Variants in ANKRD45 observed in about 807,000 individuals in gnomAD.
ANKRD45 encodes the protein ankyrin repeat domain 45.
A neutral mutation model predicts 28.1 loss-of-function variants in ANKRD45; 21 were observed. The ratio of observed to expected loss-of-function variants is 0.75; its 90% CI spans 0.53 to 1.08. The LOEUF (loss-of-function observed/expected upper bound fraction) is 1.08. ANKRD45 is among the 50% of genes least tolerant of loss of function. ANKRD45 has a pLI of 0.00. For synonymous variants in ANKRD45, 86 were observed against 103.9 expected (o/e 0.83, Z 1.05); for missense variants, 261 against 308.7 (o/e 0.85, Z 1.16).
the ANKRD45 span, among the ~76,000 whole-genome samples, chr1:173,679,027 C>G: frequency 6.6e-6 from 1 of 152,102 alleles, no homozygotes; most frequent in East Asian, 1.9e-4. Context: ...AACTACAAAC[C>G]ACTGCTCAAC....
the ANKRD45 span, among the ~76,000 whole-genome samples, chr1:173,683,432 AAACAACAAC>A: frequency 6.6e-6 from 1 of 152,120 alleles, no homozygotes. Context: ...TAAAACTCCA[AAACAACAAC>A]AACAACAACA....
At chr1:173,627,625 G>C (rs1322760143) in intron 3 of ANKRD45, among the ~76,000 whole-genome samples, 2 of 152,162 alleles carry the variant, frequency 1.3e-5, no homozygotes, top group Admixed American at 1.3e-4. Context: ...GTTGGAATCT[G>C]AGTTCCAGCA....
intron 3 of ANKRD45, among the ~76,000 whole-genome samples, chr1:173,631,039 G>A (rs999588601): frequency 3.3e-5 from 5 of 151,830 alleles, no homozygotes; most frequent in Admixed American, 3.3e-4. Context: ...TGGTTGAAGA[G>A]ATAAAAATCA....
intron 1 of ANKRD45, chr1:173,669,485 A>T: frequency 2.2e-6 from 1 of 455,938 alleles, no homozygotes; most frequent in Non-Finnish European, 4.4e-6. Context: ...AGAGTTAAAC[A>T]AAGAGAAGGC....
chr1:173,636,800 A>C, intron 3 of ANKRD45: 1 of 1,479,346 alleles, frequency 6.8e-7, no homozygotes, highest in Non-Finnish European at 9.1e-7. Flanking sequence ...TATGTAGATA[A>C]AATCTGTATT....
intron 1 of ANKRD45, chr1:173,669,459 G>A (rs1670167482): frequency 2.2e-6 from 1 of 455,628 alleles, no homozygotes; most frequent in Admixed American, 2.4e-5. Context: ...GACCCCAAGG[G>A]CAACCCTGGG....
Position 173,608,522 on chromosome 1 carries a change from T to C in ANKRD45, c.*1623A>G, listed in dbSNP as rs1281027425. 6.6e-6 allele frequency among the ~76,000 whole-genome samples: 1 copy of C among 151,968 alleles called. No individual in the cohort carries two copies. The highest frequency in any genetic ancestry group is 2.4e-5 in the African/African-American group (1 of 41,386). ...TTAGTAGAGACAGGGTTTCACCATGTTGGCCAGGCTTGTCTCAAACCGCTG... is the reference window on the plus strand; with the variant it reads ...TTAGTAGAGACAGGGTTTCACCATGCTGGCCAGGCTTGTCTCAAACCGCTG... On this transcript the variant is annotated 3_prime_UTR_variant, in exon 6 of 6. Transcript: ENST00000333279.
At chr1:173,695,498 T>C in the ANKRD45 span, among the ~76,000 whole-genome samples, 1 of 152,190 alleles carries the variant, frequency 6.6e-6, no homozygotes, top group Non-Finnish European at 1.5e-5. Context: ...GATATTGGCT[T>C]GGACCGCATC....
At chr1:173,665,243 A>G (rs891499923) in intron 1 of ANKRD45, among the ~76,000 whole-genome samples, 1 of 152,096 alleles carries the variant, frequency 6.6e-6, no homozygotes, top group African/African-American at 2.4e-5. Flanking sequence ...GGCTCAAGCT[A>G]TCCTCCTGCC....
chr1:173,615,383 CA>C (rs60479508), intron 5 of ANKRD45, among the ~76,000 whole-genome samples: 33,585 of 87,602 alleles, frequency 0.38, 4,040 homozygotes, highest in East Asian at 0.61. Flanking sequence ...GACTCCGTCT[CA>C]AAAAAAAAAA....
At chr1:173,615,201 A>G (rs978962477) in intron 5 of ANKRD45, among the ~76,000 whole-genome samples, 13 of 151,798 alleles carry the variant, frequency 8.6e-5, no homozygotes, top group African/African-American at 2.9e-4. Context: ...TCTGGCCAAC[A>G]TGGCGAAACC....
chr1:173,701,804 T>TA, the ANKRD45 span, among the ~76,000 whole-genome samples: 2 of 152,042 alleles, frequency 1.3e-5, no homozygotes, highest in African/African-American at 4.8e-5. Flanking sequence ...CCCTAGAACT[T>TA]AGAGTATAAT....
chr1:173,609,530 T>C lies in ANKRD45; in HGVS notation c.*615A>G, dbSNP rs1667055408. 1 of 152,244 alleles carries C rather than the reference T, an allele frequency of 6.6e-6. No homozygotes were observed. The highest frequency in any genetic ancestry group is 6.5e-5 in the Admixed American group (1 of 15,282). 9.4% of individuals were successfully genotyped at this position (152,244 alleles called of 1,614,324 possible). ...CTTCAGTCCAGTTACAATATCTGTA[T>C]TGCCAGCCTTACAGAATAGGAGAAC... On this transcript the variant is annotated 3_prime_UTR_variant, in exon 6 of 6. Transcript: ENST00000333279.
At chr1:173,656,877 C>T (rs1477001254) in intron 2 of ANKRD45, among the ~76,000 whole-genome samples, 1 of 151,466 alleles carries the variant, frequency 6.6e-6, no homozygotes, top group Non-Finnish European at 1.5e-5. Flanking sequence ...TTCTTCTATT[C>T]CTATTTCCCT....
chr1:173,663,718 G>C (rs1669885795), intron 1 of ANKRD45, among the ~76,000 whole-genome samples: 1 of 152,082 alleles, frequency 6.6e-6, no homozygotes, highest in African/African-American at 2.4e-5. Flanking sequence ...AGCCTGAAAG[G>C]ATAATTTAGA....
At chr1:173,627,890 A>T (rs1326643727) in intron 3 of ANKRD45, among the ~76,000 whole-genome samples, 3 of 151,644 alleles carry the variant, frequency 2.0e-5, no homozygotes, top group Non-Finnish European at 4.4e-5. Context: ...AGGAGAAGAG[A>T]GGCAAAAGTG....
chr1:173,677,948 C>G, the ANKRD45 span, among the ~76,000 whole-genome samples: 1 of 152,084 alleles, frequency 6.6e-6, no homozygotes, highest in Non-Finnish European at 1.5e-5. Context: ...TTCCTTTAGA[C>G]CTTTAAGAAA....
At chr1:173,703,508 T>C in the ANKRD45 span, among the ~76,000 whole-genome samples, 2 of 152,138 alleles carry the variant, frequency 1.3e-5, no homozygotes, top group African/African-American at 2.4e-5. Context: ...GCCCGATATC[T>C]GTGTCCATTC....
At chr1:173,682,092 A>T in the ANKRD45 span, among the ~76,000 whole-genome samples, 69 of 152,040 alleles carry the variant, frequency 4.5e-4, 1 homozygote, top group African/African-American at 1.6e-3. Context: ...ACATAAAATT[A>T]TAAAAACCTA....
Sources: gnomAD v4.1 joint callset for allele counts (sites outside exome capture counted in the v4.1 genomes callset) on GRCh38, gnomAD v4.1.1 for gene constraint, MANE v1.5 for transcripts, NCBI Gene and HGNC (gene_info 2026-07-23, HGNC 2026-07-21) for gene names.